ADARB2: variants seen among roughly 807,000 people sequenced by gnomAD.
ADARB2 encodes the protein inactive double-stranded RNA-specific editase B2.
In ADARB2, 25 loss-of-function variants were observed where a neutral mutation model predicts 62.2. The ratio of observed to expected loss-of-function variants is 0.40; its 90% CI spans 0.29 to 0.56. The LOEUF (loss-of-function observed/expected upper bound fraction) is 0.56. Ranked by LOEUF, ADARB2 falls within the 20% of genes least tolerant of loss-of-function variation. The probability of loss-of-function intolerance (pLI) is 0.43; values close to 1 mark genes in which losing one functional copy is unlikely to be tolerated. For synonymous variants in ADARB2, 572 were observed against 500.8 expected, an observed-to-expected ratio of 1.14 and a Z score of -1.90; for missense variants, 1,071 against 1,077.4, an observed-to-expected ratio of 0.99 and a Z score of 0.08.
At chr10:1,264,330 G>T (rs1831173495) in intron 4 of ADARB2, among the ~76,000 whole-genome samples, 1 of 152,168 alleles carries the variant, frequency 6.6e-6, no homozygotes, top group South Asian at 2.1e-4. Flanking sequence ...CAGTCATTCA[G>T]GGGAGACAAC....
intron 2 of ADARB2, among the ~76,000 whole-genome samples, chr10:1,369,829 TA>T (rs1564271729): frequency 6.6e-6 from 1 of 152,208 alleles, no homozygotes; most frequent in African/African-American, 2.4e-5. Context: ...CCACTTTTTG[TA>T]CTTTGTCCCT....
chr10:1,252,007 CT>C (rs1465681376), intron 4 of ADARB2, among the ~76,000 whole-genome samples: 1 of 152,300 alleles, frequency 6.6e-6, no homozygotes, highest in South Asian at 2.1e-4. Flanking sequence ...ATGGCTCAGT[CT>C]GAGGTACTTT....
intron 1 of ADARB2, among the ~76,000 whole-genome samples, chr10:1,630,332 G>A (rs1420796429): frequency 6.6e-6 from 1 of 152,072 alleles, no homozygotes; most frequent in Admixed American, 6.6e-5. Flanking sequence ...GGTGATCAAC[G>A]CAGTACAGAA....
At chr10:1,439,608 C>T (rs1236966175) in intron 1 of ADARB2, among the ~76,000 whole-genome samples, 2 of 72,372 alleles carry the variant, frequency 2.8e-5, no homozygotes, top group African/African-American at 4.0e-5. Flanking sequence ...GGAGGCAGGC[C>T]CTTCATGATG....
At chr10:1,400,912 C>T (rs113377591) in intron 1 of ADARB2, among the ~76,000 whole-genome samples, 45 of 152,268 alleles carry the variant, frequency 3.0e-4, no homozygotes, top group African/African-American at 8.9e-4. Flanking sequence ...GCCTCAGCGA[C>T]GGCTGAGTCA....
At chr10:1,391,241 C>A (rs966436734) in intron 1 of ADARB2, among the ~76,000 whole-genome samples, 1 of 151,404 alleles carries the variant, frequency 6.6e-6, no homozygotes, top group African/African-American at 2.4e-5. Context: ...GCCCAACAAC[C>A]AATAGGCGAT....
intron 3 of ADARB2, chr10:1,361,297 A>AG (rs1446122950): frequency 1.4e-4 from 21 of 152,004 alleles, no homozygotes; most frequent in African/African-American, 4.8e-4. Context: ...AGGAAGAGAG[A>AG]AGGGAGTAAA....
chr10:1,496,170 CCAT>C (rs1831688215), intron 1 of ADARB2, among the ~76,000 whole-genome samples: 1 of 151,246 alleles, frequency 6.6e-6, no homozygotes, highest in East Asian at 2.0e-4. Context: ...ATAATCATCA[CCAT>C]CATCATCATA....
At chr10:1,223,252 T>C (rs1209540046) in intron 6 of ADARB2, among the ~76,000 whole-genome samples, 7 of 152,190 alleles carry the variant, frequency 4.6e-5, no homozygotes, top group Admixed American at 4.6e-4. Context: ...CTTGTGATTT[T>C]TGTACATTGA....
At chr10:1,230,511 C>T (rs182829723) in intron 6 of ADARB2, among the ~76,000 whole-genome samples, 8 of 152,188 alleles carry the variant, frequency 5.3e-5, no homozygotes, top group South Asian at 2.1e-4. Context: ...AGACATACAC[C>T]GCCTGAGTTA....
At chr10:1,669,243 C>G (rs1363937676) in intron 1 of ADARB2, among the ~76,000 whole-genome samples, 19 of 152,094 alleles carry the variant, frequency 1.2e-4, no homozygotes, top group Admixed American at 1.2e-3. Flanking sequence ...GCTAGTGAGG[C>G]CTGAGGAGAT....
At chr10:1,300,214 C>G in intron 3 of ADARB2, among the ~76,000 whole-genome samples, 1 of 152,236 alleles carries the variant, frequency 6.6e-6, no homozygotes, top group East Asian at 1.9e-4. Context: ...CCTTCCAAAC[C>G]CTTTTAGCCT....
rs577882891 is a variant in ADARB2 at position 1,683,457 on chromosome 10, T to C, written c.100+53594A>G. On this transcript the variant is annotated intron_variant, in intron 1 of 9. Transcript: ENST00000381312. The stretch of plus-strand genomic sequence containing the variant: ...GTGAGCTCGAAAGATTTTGCAGTGA[T>C]GAAAAGTTCAGAAACTCCCAGTTTC... Among the ~76,000 whole-genome samples the C allele has an allele frequency of 1.3e-4, 20 of 152,304 alleles. No homozygotes were observed. In the Middle Eastern group the frequency reaches 0.014, roughly 104 times the overall value.
chr10:1,580,385 A>G (rs1230875332), intron 1 of ADARB2, among the ~76,000 whole-genome samples: 1 of 152,114 alleles, frequency 6.6e-6, no homozygotes, highest in Admixed American at 6.5e-5. Flanking sequence ...GTCCTGCATT[A>G]GTTCGCTTAG....
At chr10:1,654,563 A>C (rs565806981) in intron 1 of ADARB2, among the ~76,000 whole-genome samples, 21 of 152,148 alleles carry the variant, frequency 1.4e-4, no homozygotes, top group Admixed American at 3.9e-4. Flanking sequence ...GCAGGGTGGC[A>C]GTTCAGGGCT....
chr10:1,319,882 G>T (rs975420323), intron 3 of ADARB2, among the ~76,000 whole-genome samples: 1 of 152,188 alleles, frequency 6.6e-6, no homozygotes, highest in Non-Finnish European at 1.5e-5. Context: ...CCTTTGTATG[G>T]ATTCCCAGCA....
chr10:1,581,826 A>ATATGTG (rs1476058786), intron 1 of ADARB2, among the ~76,000 whole-genome samples: 4 of 148,500 alleles, frequency 2.7e-5, no homozygotes, highest in African/African-American at 5.0e-5. Context: ...TTAGAAATAG[A>ATATGTG]TGTGTGTGTG....
intron 1 of ADARB2, among the ~76,000 whole-genome samples, chr10:1,467,379 T>C (rs1007588299): frequency 6.6e-5 from 10 of 152,212 alleles, no homozygotes; most frequent in African/African-American, 1.9e-4. Context: ...ATTAAGCCAC[T>C]GCACGGCTTC....
At chr10:1,522,941 C>T (rs370866909) in intron 1 of ADARB2, among the ~76,000 whole-genome samples, 4 of 152,086 alleles carry the variant, frequency 2.6e-5, no homozygotes, top group Admixed American at 6.5e-5. Context: ...CTCACCAGTG[C>T]GAGGATCACA....
Sources: gnomAD v4.1 joint callset for allele counts (sites outside exome capture counted in the v4.1 genomes callset) on GRCh38, gnomAD v4.1.1 for gene constraint, MANE v1.5 for transcripts, NCBI Gene and HGNC (gene_info 2026-07-23, HGNC 2026-07-21) for gene names.